The following VSNL1 variants were observed in gnomAD, a reference collection of about 807,000 sequenced individuals.
VSNL1 encodes visinin-like protein 1.
A neutral mutation model predicts 20.4 loss-of-function variants in VSNL1; 6 were observed. The ratio of observed to expected loss-of-function variants is 0.29; its 90% CI spans 0.16 to 0.58. VSNL1 has a LOEUF of 0.58. VSNL1 is among the 20% of genes least tolerant of loss of function. VSNL1 has a pLI of 0.90. For synonymous variants in VSNL1, 93 were observed against 86.4 expected (o/e 1.08, Z -0.42); for missense variants, 100 against 234.5 (o/e 0.43, Z 3.75).
At chr2:17,645,459 T>C (rs756350068) in intron 2 of VSNL1, among the ~76,000 whole-genome samples, 1 of 152,106 alleles carries the variant, frequency 6.6e-6, no homozygotes, top group Non-Finnish European at 1.5e-5. Context: ...CAGGCAGCAA[T>C]GGTGCTGGGG....
Position 17,655,454 on chromosome 2 carries a change from TTCACAC to T in VSNL1, c.*61_*66del. 1.3e-6 allele frequency: 1 copy of T among 765,282 alleles called. No homozygotes were observed. Among genetic ancestry groups the T allele is most frequent in the East Asian group, 2.6e-5 (1 of 38,130 alleles). The allele number at this position is 765,282 out of a possible 1,614,324, so 47.4% of individuals were successfully genotyped here. A position where few individuals can be genotyped will look rare whatever the true frequency, so the allele number is the denominator to read the frequency against. The stretch of plus-strand genomic sequence containing the variant: ...CAATGTTCCATTCAGTCTGCAGCTA[TTCACAC>T]ACACACACACACACACACACACACA... On this transcript the variant is annotated 3_prime_UTR_variant, in exon 4 of 4. Coordinates refer to ENST00000295156, the MANE Select transcript of VSNL1 (RefSeq NM_003385.5). The surrounding 1 kb of genome is among the most constrained non-coding windows in gnomAD (Gnocchi z 5.2).
At chr2:17,642,309 C>CTTTTTTTTTTTTTTTTTTTTTGTTT (rs577471307) in intron 2 of VSNL1, among the ~76,000 whole-genome samples, 1 of 93,194 alleles carries the variant, frequency 1.1e-5, no homozygotes, top group Non-Finnish European at 2.3e-5. Flanking sequence ...GTGAGCATTC[C>CTTTTTTTTTTTTTTTTTTTTTGTTT]TTTTTTTTTT....
In VSNL1 at chr2:17,655,493, ACACACAC is replaced by A; in HGVS notation, c.*100_*106del. 1 of 1,109,114 alleles carries A rather than the reference ACACACAC, an allele frequency of 9.0e-7. No individual in the cohort carries two copies. Among genetic ancestry groups the A allele is most frequent in the Admixed American group, 2.1e-5 (1 of 48,444 alleles). 68.7% of individuals were successfully genotyped at this position (1,109,114 alleles called of 1,614,324 possible). The stretch of plus-strand genomic sequence containing the variant: ...CACACACACACACACACACACACAC[ACACACAC>A]AAATATTGCTTGGACTACCTATAAA... On this transcript the variant is annotated 3_prime_UTR_variant, in exon 4 of 4. Coordinates refer to ENST00000295156, the MANE Select transcript of VSNL1 (RefSeq NM_003385.5). This position sits in a 1 kb window ranked among gnomAD's most constrained non-coding sequence, Gnocchi z 5.2.
intron 2 of VSNL1, among the ~76,000 whole-genome samples, chr2:17,622,596 GAAAGAA>G (rs1665410666): frequency 7.8e-6 from 1 of 128,764 alleles, no homozygotes; most frequent in Non-Finnish European, 1.7e-5. Context: ...AAGAAAGAAA[GAAAGAA>G]AAGAAAGAAA....
chr2:17,564,144 A>C lies in VSNL1; in HGVS notation c.-6+23226A>C, dbSNP rs182820281. ...AAAAAGGAAAACAAGGCTTTCTTTT[A>C]TTTGTTCTGGCCTAAATTTCTTTTT... On this transcript the variant is annotated intron_variant, in intron 1 of 3. Transcript: ENST00000295156. Among the ~76,000 whole-genome samples, 263 of 152,272 alleles carry C rather than the reference A, an allele frequency of 1.7e-3. 1 individual carries two copies. The highest frequency in any genetic ancestry group is 0.016 in the Admixed American group (250 of 15,292).
chr2:17,554,190 G>T (rs147663162), intron 1 of VSNL1, among the ~76,000 whole-genome samples: 1 of 152,150 alleles, frequency 6.6e-6, no homozygotes, highest in East Asian at 1.9e-4. Flanking sequence ...ATGCCAACTG[G>T]AGGTTGCTGG....
chr2:17,543,699 G>A (rs1663346085), intron 1 of VSNL1, among the ~76,000 whole-genome samples: 1 of 152,170 alleles, frequency 6.6e-6, no homozygotes, highest in South Asian at 2.1e-4. Context: ...AGCTTTTAAA[G>A]CATTTGCATA....
At chr2:17,562,634 A>C (rs1389507824) in intron 1 of VSNL1, among the ~76,000 whole-genome samples, 1 of 152,192 alleles carries the variant, frequency 6.6e-6, no homozygotes, top group African/African-American at 2.4e-5. Flanking sequence ...CATTGCACTA[A>C]GGCAGATGTA....
chr2:17,603,798 T>C (rs1186041855), intron 2 of VSNL1, among the ~76,000 whole-genome samples: 1 of 152,202 alleles, frequency 6.6e-6, no homozygotes, highest in Non-Finnish European at 1.5e-5. Flanking sequence ...AACAACATGA[T>C]GGACAATACC....
At position 17,656,289 on chromosome 2, in the gene VSNL1, TGAC is replaced by T. The variant is rs532982021; in HGVS notation, c.*896_*898del. On this transcript the variant is annotated 3_prime_UTR_variant, in exon 4 of 4. Transcript: ENST00000295156. ...ACAACTTTGGAATTTGAAGAATTAA[TGAC>T]AACAAAAGGGAAAAAAGCAACTTTC... 166 of 152,206 alleles carry T rather than the reference TGAC, an allele frequency of 1.1e-3. No individual in the cohort carries two copies. Among genetic ancestry groups the T allele is most frequent in the African/African-American group, 3.9e-3 (162 of 41,524 alleles). The allele number at this position is 152,206 out of a possible 1,614,324, so 9.4% of individuals were successfully genotyped here.
At chr2:17,647,952 A>T (rs1046998536) in intron 2 of VSNL1, among the ~76,000 whole-genome samples, 1 of 152,204 alleles carries the variant, frequency 6.6e-6, no homozygotes, top group Non-Finnish European at 1.5e-5. Flanking sequence ...GGAATGAGGG[A>T]ACATAAGAGA....
At chr2:17,637,229 G>C (rs1238183702) in intron 2 of VSNL1, among the ~76,000 whole-genome samples, 1 of 152,216 alleles carries the variant, frequency 6.6e-6, no homozygotes, top group Non-Finnish European at 1.5e-5. Flanking sequence ...AGGCTGCTCT[G>C]TGCTTTCCCT....
chr2:17,552,908 T>C (rs927462635), intron 1 of VSNL1, among the ~76,000 whole-genome samples: 1 of 152,190 alleles, frequency 6.6e-6, no homozygotes, highest in Admixed American at 6.5e-5. Flanking sequence ...GCCTTATCAC[T>C]CTGAACAAGT....
intron 1 of VSNL1, among the ~76,000 whole-genome samples, chr2:17,585,785 T>C (rs1167325210): frequency 6.6e-6 from 1 of 151,852 alleles, no homozygotes; most frequent in Non-Finnish European, 1.5e-5. Context: ...TCTTCCCTTG[T>C]GTGATCTTGG....
chr2:17,558,669 T>C (rs1429969896), intron 1 of VSNL1, among the ~76,000 whole-genome samples: 1 of 152,192 alleles, frequency 6.6e-6, no homozygotes, highest in African/African-American at 2.4e-5. Context: ...CTCCCTGTAA[T>C]AGTCAATACA....
chr2:17,588,569 A>G (rs536793742), intron 1 of VSNL1, among the ~76,000 whole-genome samples: 1 of 152,352 alleles, frequency 6.6e-6, no homozygotes, highest in South Asian at 2.1e-4. Context: ...ACTGCAGCCC[A>G]GAGCAAAAGG....
chr2:17,555,509 C>T (rs1663656351), intron 1 of VSNL1, among the ~76,000 whole-genome samples: 2 of 152,078 alleles, frequency 1.3e-5, no homozygotes. Context: ...TTCATCATAT[C>T]CAGTGGTAGT....
At position 17,645,902 on chromosome 2, in the gene VSNL1, A is replaced by G. The variant is rs573548587; in HGVS notation, c.163-3508A>G. Among the ~76,000 whole-genome samples the G allele has an allele frequency of 3.3e-5, 5 of 152,334 alleles. No homozygotes were observed. The South Asian group carries it at 6.2e-4, about 19-fold the overall frequency. ...GTCTCAGACTCTGAAACTCTAGGCT[A>G]TGATGAAGAACAATGAATTGTCAGC... On this transcript the variant is annotated intron_variant, in intron 2 of 3. Transcript: ENST00000295156.
chr2:17,548,740 A>G (rs568371141), intron 1 of VSNL1, among the ~76,000 whole-genome samples: 19 of 152,172 alleles, frequency 1.2e-4, no homozygotes, highest in African/African-American at 4.6e-4. Context: ...TTCCAAGTAT[A>G]TCTTCCTAAT....
Sources: gnomAD v4.1 joint callset for allele counts (sites outside exome capture counted in the v4.1 genomes callset) on GRCh38, gnomAD v4.1.1 for gene constraint, Gnocchi (gnomAD v3.1) non-coding constraint, MANE v1.5 for transcripts, NCBI Gene and HGNC (gene_info 2026-07-23, HGNC 2026-07-21) for gene names.